Variants in SLF1 observed in about 807,000 individuals in gnomAD.
SLF1 encodes SMC5/6 complex localization factor 1, also known as SMC5-SMC6 complex localization factor protein 1.
Under a neutral mutation model 123.0 loss-of-function variants are expected in SLF1, and 105 were observed. The observed-to-expected ratio is 0.85, with a 90% CI of 0.73 to 1.00. The LOEUF (loss-of-function observed/expected upper bound fraction) is 1.00, where lower values mean the gene tolerates loss of function less well. Among genes scored for constraint, SLF1 ranks in the 50% least tolerant of loss-of-function variants. The pLI is 0.00. For synonymous variants in SLF1, 434 were observed against 406.6 expected, an observed-to-expected ratio of 1.07 and a Z score of -0.81; for missense variants, 1,239 against 1,223.0, an observed-to-expected ratio of 1.01 and a Z score of -0.20.
rs1753561570 is a variant in SLF1 at position 94,697,340 on chromosome 5, A to G, written c.*2028A>G. 1 of 151,920 alleles carries G rather than the reference A, an allele frequency of 6.6e-6. No homozygotes were observed. Among genetic ancestry groups the G allele is most frequent in the Non-Finnish European group, 1.5e-5 (1 of 67,888 alleles). The allele number at this position is 151,920 out of a possible 1,614,324, so 9.4% of individuals were successfully genotyped here. Reference sequence around the variant, plus strand: ...AATTACTTCTTATACTTTATTTTAGAAAACATAATAATAATTGCCTTGAAT... The same window carrying G: ...AATTACTTCTTATACTTTATTTTAGGAAACATAATAATAATTGCCTTGAAT... On this transcript the variant is annotated 3_prime_UTR_variant, in exon 21 of 21. Transcript: ENST00000265140.
In SLF1 at chr5:94,665,936, TCTCCAGC is replaced by T; in HGVS notation, c.1446_1452del (p.Pro483CysfsTer6). ...TCTTCACCTGCATCCTCCTTGGAAG[TCTCCAGC>T]CATGTCGAGATATTATTTAGAGTTG... On this transcript the variant is annotated frameshift_variant, in exon 12 of 21. Coordinates refer to ENST00000265140, the MANE Select transcript of SLF1 (RefSeq NM_032290.4). LOFTEE classifies it high-confidence loss of function. 1 of 1,551,138 alleles carries T rather than the reference TCTCCAGC, an allele frequency of 6.4e-7. No homozygotes were observed. Among genetic ancestry groups the T allele is most frequent in the Non-Finnish European group, 8.7e-7 (1 of 1,146,416 alleles).
At chr5:94,686,146 A>T (rs563954406) in intron 15 of SLF1, among the ~76,000 whole-genome samples, 41 of 152,318 alleles carry the variant, frequency 2.7e-4, no homozygotes, top group African/African-American at 9.6e-4. Flanking sequence ...TCAACTCAGT[A>T]CTGATCATTG....
rs893989184 is a variant in SLF1 at position 94,655,095 on chromosome 5, T to C, written c.1155+343T>C. Among the ~76,000 whole-genome samples, 7 of 152,202 alleles carry C rather than the reference T, an allele frequency of 4.6e-5. 1 individual carries two copies. The highest frequency in any genetic ancestry group is 7.4e-5 in the Non-Finnish European group (5 of 68,014). On this transcript the variant is annotated intron_variant, in intron 9 of 20. Transcript: ENST00000265140. Reference sequence around the variant, plus strand: ...GTTTTACCTGGAAGTCTTTAATTCATTTTGAGTTGATTTTTGTATATGGTG... The same window carrying C: ...GTTTTACCTGGAAGTCTTTAATTCACTTTGAGTTGATTTTTGTATATGGTG...
chr5:94,653,535 G>A (rs1221816595), intron 8 of SLF1, 114 bp downstream of exon 8: 1 of 898,956 alleles, frequency 1.1e-6, no homozygotes, highest in African/African-American at 1.8e-5. Context: ...TCAATCTGGT[G>A]TAATATTCAT....
Position 94,662,293 on chromosome 5 carries a change from T to C in SLF1, c.1156-5T>C. On this transcript the variant is annotated splice_region_variant and splice_polypyrimidine_tract_variant and intron_variant, in intron 9 of 20. Transcript: ENST00000265140. ...TGTTTTAATTATATGGTTGCTCTTT[T>C]GTAGGCTGTCAGATACAACTGCATT... The C allele has an allele frequency of 6.5e-7, 1 of 1,546,260 alleles. No individual in the cohort carries two copies. Among genetic ancestry groups the C allele is most frequent in the Non-Finnish European group, 8.7e-7 (1 of 1,143,998 alleles).
intron 4 of SLF1, among the ~76,000 whole-genome samples, chr5:94,641,494 A>G (rs1229257520): frequency 6.6e-6 from 1 of 152,316 alleles, no homozygotes; most frequent in East Asian, 1.9e-4. Context: ...GAATTTGAGT[A>G]TTGTTAATTC....
intron 9 of SLF1, among the ~76,000 whole-genome samples, chr5:94,660,241 G>C (rs1416546328): frequency 6.6e-6 from 1 of 152,184 alleles, no homozygotes; most frequent in African/African-American, 2.4e-5. Context: ...GGCATTGCCA[G>C]AGGCTGCATG....
intron 18 of SLF1, 120 bp from the exon 19 acceptor site, chr5:94,691,441 AAAG>A (rs1753044509): frequency 2.2e-6 from 1 of 460,182 alleles, no homozygotes; most frequent in Non-Finnish European, 3.5e-6. Context: ...AAACCAGTCA[AAAG>A]AAGAACTCAA....
At chr5:94,634,888 A>G (rs913265098) in intron 4 of SLF1, among the ~76,000 whole-genome samples, 2 of 152,152 alleles carry the variant, frequency 1.3e-5, no homozygotes, top group African/African-American at 4.8e-5. Flanking sequence ...CCCATTTTTA[A>G]TCAGGTTGTT....
At chr5:94,670,029 C>T in intron 12 of SLF1, 122 bp from the exon 13 acceptor site, 2 of 1,018,756 alleles carry the variant, frequency 2.0e-6, no homozygotes, top group Non-Finnish European at 2.7e-6. Context: ...TTTTGTTGAA[C>T]TTTCTATTTT....
intron 19 of SLF1, 110 bp downstream of exon 19, chr5:94,691,766 T>G: frequency 1.2e-6 from 1 of 853,536 alleles, no homozygotes; most frequent in Non-Finnish European, 1.7e-6. Context: ...TAAGGTATCT[T>G]AAAAGTATAA....
chr5:94,679,595 A>G (rs1397798058), intron 15 of SLF1, among the ~76,000 whole-genome samples: 3 of 145,940 alleles, frequency 2.1e-5, no homozygotes, highest in Middle Eastern at 3.5e-3. Context: ...CTGTCTCTTT[A>G]AAAAAAAAAA....
At chr5:94,656,352 A>G (rs1266595771) in intron 9 of SLF1, among the ~76,000 whole-genome samples, 1 of 151,702 alleles carries the variant, frequency 6.6e-6, no homozygotes, top group Non-Finnish European at 1.5e-5. Context: ...ACTTGATCAT[A>G]GTGTACTGAC....
At chr5:94,666,077 T>TA in intron 12 of SLF1, 53 bp downstream of exon 12, 1 of 1,421,386 alleles carries the variant, frequency 7.0e-7, no homozygotes, top group Admixed American at 2.7e-5. Context: ...GTTGTTATGC[T>TA]AATTATTTTT....
At chr5:94,625,632 C>T (rs1792170162) in intron 1 of SLF1, among the ~76,000 whole-genome samples, 1 of 152,088 alleles carries the variant, frequency 6.6e-6, no homozygotes, top group African/African-American at 2.4e-5. Flanking sequence ...ATCCACCCAC[C>T]TTGGCTTACC....
At chr5:94,664,251 G>C (rs1342141687) in intron 11 of SLF1, among the ~76,000 whole-genome samples, 2 of 152,160 alleles carry the variant, frequency 1.3e-5, no homozygotes, top group African/African-American at 4.8e-5. Context: ...TTAGTACATT[G>C]ATGATTATCA....
chr5:94,643,741 T>C (rs1487662818), intron 5 of SLF1, among the ~76,000 whole-genome samples: 3 of 152,132 alleles, frequency 2.0e-5, no homozygotes, highest in Admixed American at 1.3e-4. Flanking sequence ...ATTTTTCCTT[T>C]GGAAAAGAGA....
At chr5:94,626,311 G>A (rs183167710) in intron 1 of SLF1, among the ~76,000 whole-genome samples, 2 of 150,866 alleles carry the variant, frequency 1.3e-5, no homozygotes, top group African/African-American at 4.9e-5. Context: ...CCTTATACAA[G>A]AAGCTTGATT....
intron 15 of SLF1, among the ~76,000 whole-genome samples, chr5:94,686,168 C>T (rs566593060): frequency 7.2e-5 from 11 of 152,260 alleles, no homozygotes; most frequent in South Asian, 4.1e-4. Flanking sequence ...AAATTAAATA[C>T]TTGTATGTTC....
Sources: gnomAD v4.1 joint callset for allele counts (sites outside exome capture counted in the v4.1 genomes callset) on GRCh38, gnomAD v4.1.1 for gene constraint, MANE v1.5 for transcripts, NCBI Gene and HGNC (gene_info 2026-07-23, HGNC 2026-07-21) for gene names.